PLCB4: variants seen among roughly 807,000 people sequenced by gnomAD.
PLCB4 encodes phospholipase C beta 4.
Under a neutral mutation model 178.8 loss-of-function variants are expected in PLCB4, and 77 were observed. The ratio of observed to expected loss-of-function variants is 0.43; its 90% CI spans 0.36 to 0.52. The LOEUF is 0.52. Ranked by LOEUF, PLCB4 falls within the 20% of genes least tolerant of loss-of-function variation. The probability of loss-of-function intolerance (pLI) is 0.00; values close to 1 mark genes in which losing one functional copy is unlikely to be tolerated. For synonymous variants in PLCB4, 496 were observed against 490.8 expected, an observed-to-expected ratio of 1.01 and a Z score of -0.14; for missense variants, 1,024 against 1,453.4, an observed-to-expected ratio of 0.70 and a Z score of 4.80.
At chr20:9,188,553 A>G (rs1024764700) in intron 2 of PLCB4, among the ~76,000 whole-genome samples, 2 of 137,806 alleles carry the variant, frequency 1.5e-5, no homozygotes, top group African/African-American at 5.9e-5. Flanking sequence ...TTAACTGTTC[A>G]TTGTGGAGGG....
rs373753078 is a variant in PLCB4, at chr20:9,395,506, C to A, written c.1415-17C>A. Reference sequence around the variant, plus strand: ...CCTAGCATCTGTCACCATCTCTTTGCGTGTTTTTGCTAACAGAACAGCTGG... The same window carrying A: ...CCTAGCATCTGTCACCATCTCTTTGAGTGTTTTTGCTAACAGAACAGCTGG... On this transcript the variant is annotated splice_polypyrimidine_tract_variant and intron_variant, in intron 18 of 39. Transcript: ENST00000378473. 26 of 1,582,178 alleles carry A rather than the reference C, an allele frequency of 1.6e-5. No homozygotes were observed. The South Asian group carries it at 2.4e-4, about 15-fold the overall frequency.
At chr20:9,139,455 C>A (rs992069097) in intron 2 of PLCB4, among the ~76,000 whole-genome samples, 1 of 152,066 alleles carries the variant, frequency 6.6e-6, no homozygotes, top group South Asian at 2.1e-4. Flanking sequence ...AGGATGCCAG[C>A]TGGAACATCT....
chr20:9,216,070 T>C (rs975891320), intron 2 of PLCB4, among the ~76,000 whole-genome samples: 2 of 152,218 alleles, frequency 1.3e-5, no homozygotes, highest in African/African-American at 4.8e-5. Context: ...TATACATAGA[T>C]CGTGACCTTC....
rs146883070 is a variant in PLCB4, at chr20:9,339,107, TG to T, written c.369+71del. On this transcript the variant is annotated intron_variant, in intron 7 of 39. Transcript: ENST00000378473. ...TATGTTGTGTGTTTAATTTTATGCG[TG>T]CTATATTTTTATATACTTAAATTGT... 1.2e-3 allele frequency: 1,388 copies of T among 1,148,660 alleles called. 24 individuals are homozygous for T. The African/African-American group carries it at 0.02, about 16-fold the overall frequency. 71.2% of individuals were successfully genotyped at this position (1,148,660 alleles called of 1,614,324 possible).
chr20:9,355,271 ATTT>A (rs1216231873), intron 7 of PLCB4, among the ~76,000 whole-genome samples: 1 of 151,652 alleles, frequency 6.6e-6, no homozygotes, highest in African/African-American at 2.4e-5. Flanking sequence ...GCTTTTTAAA[ATTT>A]TTTTATTTTT....
chr20:9,223,536 G>C (rs938450458), intron 3 of PLCB4, among the ~76,000 whole-genome samples: 1 of 152,158 alleles, frequency 6.6e-6, no homozygotes, highest in African/African-American at 2.4e-5. Context: ...CAGGCAGCTG[G>C]TATGGCTCAG....
At chr20:9,180,083 A>G (rs944415369) in intron 2 of PLCB4, among the ~76,000 whole-genome samples, 15 of 152,210 alleles carry the variant, frequency 9.9e-5, no homozygotes, top group African/African-American at 3.1e-4. Flanking sequence ...ATAAATCAAC[A>G]TATGTTCTGG....
chr20:9,333,654 T>C (rs1032729652), intron 4 of PLCB4, among the ~76,000 whole-genome samples: 5 of 152,162 alleles, frequency 3.3e-5, no homozygotes, highest in Admixed American at 2.6e-4. Context: ...AAAGAATCAA[T>C]CTGGCTCCTA....
In PLCB4 at chr20:9,222,036, G is replaced by GTTTTATTTTA. The variant is rs869180528; in HGVS notation, c.-16+4649_-16+4658dup. ...ACCTTCTATTTATTTATTTTATTTT[G>GTTTTATTTTA]TTTTATTTTATTTTATTTTATTTTA... On this transcript the variant is annotated intron_variant, in intron 3 of 39. Coordinates refer to ENST00000378473, the MANE Select transcript of PLCB4 (RefSeq NM_001377142.1). Among the ~76,000 whole-genome samples the GTTTTATTTTA allele has an allele frequency of 4.0e-3, 392 of 97,302 alleles. 1 individual carries two copies. The highest frequency in any genetic ancestry group is 5.6e-3 in the Non-Finnish European group (255 of 45,872). The allele number at this position is 97,302 out of a possible 152,430, so 63.8% of individuals were successfully genotyped here. A position where few individuals can be genotyped will look rare whatever the true frequency, so the allele number is the denominator to read the frequency against.
chr20:9,436,959 T>C, intron 29 of PLCB4, 43 bp from the exon 30 acceptor site: 1 of 1,593,126 alleles, frequency 6.3e-7, no homozygotes, highest in South Asian at 1.1e-5. Context: ...TATTTGACCT[T>C]GAGTGACATT....
chr20:9,279,972 A>G (rs1192282021), intron 3 of PLCB4, among the ~76,000 whole-genome samples: 2 of 151,970 alleles, frequency 1.3e-5, no homozygotes, highest in East Asian at 1.9e-4. Context: ...ACCCCACCCT[A>G]TTGCTGGAGT....
At chr20:9,442,554 A>G (rs2042173759) in intron 30 of PLCB4, among the ~76,000 whole-genome samples, 1 of 152,204 alleles carries the variant, frequency 6.6e-6, no homozygotes. Flanking sequence ...GAGAGAGTGT[A>G]AGTTTCATCA....
chr20:9,441,108 G>A (rs991322472), intron 30 of PLCB4, among the ~76,000 whole-genome samples: 3 of 152,176 alleles, frequency 2.0e-5, no homozygotes, highest in Non-Finnish European at 4.4e-5. Flanking sequence ...GAATCACTGT[G>A]TTGGACGTCT....
intron 32 of PLCB4, 34 bp from the exon 33 acceptor site, chr20:9,453,313 G>A (rs766259443): frequency 1.0e-5 from 13 of 1,246,458 alleles, no homozygotes; most frequent in African/African-American, 1.5e-5. Context: ...CATGCTAAGA[G>A]TCCAATTCAT....
At position 9,459,691 on chromosome 20, in the gene PLCB4, C is replaced by G. The variant is rs760972554; in HGVS notation, c.3129C>G (p.His1043Gln). The stretch of plus-strand genomic sequence containing the variant: ...AATGGTCAGAAATGATCAATACCCA[C>G]AGTGCTGAGGAGCAAGAAATCCGAG... Reference protein sequence around the residue: ...TKEWSEMINTHSAEEQEIRDL... With the variant: ...TKEWSEMINTQSAEEQEIRDL... The change falls in exon 35 of 40, where the codon CAC becomes CAG. Residue 1043 changes from histidine to glutamine, a missense_variant. By Grantham distance (24) the His-to-Gln change is conservative. Transcript: ENST00000378473. The G allele has an allele frequency of 7.4e-6, 12 of 1,612,908 alleles. No individual in the cohort carries two copies. Among genetic ancestry groups the G allele is most frequent in the Non-Finnish European group, 1.0e-5 (12 of 1,179,036 alleles).
intron 2 of PLCB4, among the ~76,000 whole-genome samples, chr20:9,142,672 C>G (rs2092517205): frequency 6.6e-6 from 1 of 152,168 alleles, no homozygotes; most frequent in Non-Finnish European, 1.5e-5. Context: ...TCACTACCTT[C>G]TGGTCCAGTC....
chr20:9,432,533 C>G (rs748178456), intron 28 of PLCB4, among the ~76,000 whole-genome samples: 3 of 152,116 alleles, frequency 2.0e-5, no homozygotes, highest in Admixed American at 6.6e-5. Context: ...GAAGCATAGA[C>G]CAAGTATATC....
intron 4 of PLCB4, among the ~76,000 whole-genome samples, chr20:9,328,070 AC>A (rs916317441): frequency 6.6e-6 from 1 of 152,222 alleles, no homozygotes; most frequent in African/African-American, 2.4e-5. Context: ...TGAAATATGT[AC>A]CACCAGATAA....
At chr20:9,363,453 A>T (rs1373516703) in intron 8 of PLCB4, among the ~76,000 whole-genome samples, 9 of 152,202 alleles carry the variant, frequency 5.9e-5, no homozygotes, top group Admixed American at 5.9e-4. Context: ...ACCGTCAGGG[A>T]TCCAAAGTTA....
Sources: gnomAD v4.1 joint callset for allele counts (sites outside exome capture counted in the v4.1 genomes callset) on GRCh38, gnomAD v4.1.1 for gene constraint, MANE v1.5 for transcripts, NCBI Gene and HGNC (gene_info 2026-07-23, HGNC 2026-07-21) for gene names.